The following SLC22A15 variants were observed in gnomAD, a reference collection of about 807,000 sequenced individuals.
SLC22A15 encodes the protein flipt 1.
SLC22A15 carries 45 observed loss-of-function variants against 62.7 expected under a neutral mutation model. The observed-to-expected ratio is 0.72, with a 90% CI of 0.56 to 0.92. The LOEUF (loss-of-function observed/expected upper bound fraction) is 0.92. Among genes scored for constraint, SLC22A15 ranks in the 40% least tolerant of loss-of-function variants. The pLI is 0.00. For missense variants in SLC22A15, 622 were observed against 665.6 expected, an observed-to-expected ratio of 0.93 and a Z score of 0.72; for synonymous variants, 264 against 267.0, an observed-to-expected ratio of 0.99 and a Z score of 0.11.
At chr1:116,026,446 GAAAGA>G (rs752870566) in intron 4 of SLC22A15, among the ~76,000 whole-genome samples, 10 of 151,568 alleles carry the variant, frequency 6.6e-5, no homozygotes, top group African/African-American at 2.2e-4. Flanking sequence ...GGGAAGGAAG[GAAAGA>G]AAAGAAAAGA....
At chr1:116,039,060 T>C (rs1429467372) in intron 8 of SLC22A15, among the ~76,000 whole-genome samples, 1 of 152,190 alleles carries the variant, frequency 6.6e-6, no homozygotes, top group East Asian at 1.9e-4. Context: ...GACCAGCAAG[T>C]ACCACTCTAT....
At chr1:115,982,256 T>C (rs1654645376) in intron 1 of SLC22A15, among the ~76,000 whole-genome samples, 2 of 152,184 alleles carry the variant, frequency 1.3e-5, no homozygotes, top group Admixed American at 1.3e-4. Flanking sequence ...GGACATCATA[T>C]AGTACTCAAC....
In SLC22A15 at chr1:116,069,882, T is replaced by C. The variant is rs191002724; in HGVS notation, c.*2774T>C. 1 of 152,318 alleles carries C rather than the reference T, an allele frequency of 6.6e-6. No individual in the cohort carries two copies. Among genetic ancestry groups the C allele is most frequent in the African/African-American group, 2.4e-5 (1 of 41,592 alleles). The allele number at this position is 152,318 out of a possible 1,614,324, so 9.4% of individuals were successfully genotyped here. On this transcript the variant is annotated 3_prime_UTR_variant, in exon 12 of 12. Transcript: ENST00000369503. ...CATAACAAATACATATTGAAATAAT[T>C]GTCACTACTGTATCAGAATTAAAAA...
chr1:116,042,822 G>T (rs1484526911), intron 8 of SLC22A15, among the ~76,000 whole-genome samples: 1 of 152,078 alleles, frequency 6.6e-6, no homozygotes, highest in African/African-American at 2.4e-5. Flanking sequence ...CAACCAATAG[G>T]ACCTGATTTA....
chr1:116,029,701 C>T (rs976496417), intron 5 of SLC22A15, among the ~76,000 whole-genome samples: 4 of 152,110 alleles, frequency 2.6e-5, no homozygotes, highest in African/African-American at 9.7e-5. Context: ...TCTCAAATAC[C>T]AGCTTTAAAA....
At chr1:116,044,923 T>A (rs2101508848) in intron 8 of SLC22A15, among the ~76,000 whole-genome samples, 1 of 152,280 alleles carries the variant, frequency 6.6e-6, no homozygotes, top group Non-Finnish European at 1.5e-5. Flanking sequence ...TTACCATGCT[T>A]ATGGACCAGA....
intron 1 of SLC22A15, among the ~76,000 whole-genome samples, chr1:115,986,078 A>G (rs1442953516): frequency 2.0e-5 from 3 of 151,896 alleles, no homozygotes; most frequent in Non-Finnish European, 4.4e-5. Flanking sequence ...CCTGGACTCA[A>G]GTGATCCTCC....
At chr1:116,052,069 G>C (rs1658068655) in intron 8 of SLC22A15, among the ~76,000 whole-genome samples, 1 of 152,234 alleles carries the variant, frequency 6.6e-6, no homozygotes. Flanking sequence ...AGTGGGTGCA[G>C]TGCACCATGC....
At chr1:116,019,821 T>A in intron 3 of SLC22A15, 107 bp downstream of exon 3, 1 of 1,226,080 alleles carries the variant, frequency 8.2e-7, no homozygotes, top group Non-Finnish European at 1.1e-6. Flanking sequence ...GGAATTGGCA[T>A]ATGGACACAG....
chr1:116,048,539 A>G (rs1050389535), intron 8 of SLC22A15, among the ~76,000 whole-genome samples: 3 of 152,232 alleles, frequency 2.0e-5, no homozygotes, highest in African/African-American at 7.2e-5. Flanking sequence ...TGCTGAGAGA[A>G]TTCGCCACTA....
chr1:116,059,928 A>G (rs982890524), intron 8 of SLC22A15, among the ~76,000 whole-genome samples: 1 of 152,236 alleles, frequency 6.6e-6, no homozygotes, highest in Non-Finnish European at 1.5e-5. Flanking sequence ...ATAAATGTAT[A>G]ACCTCCTTGA....
chr1:116,050,061 C>T (rs1472155635), intron 8 of SLC22A15, among the ~76,000 whole-genome samples: 1 of 151,754 alleles, frequency 6.6e-6, no homozygotes, highest in East Asian at 1.9e-4. Flanking sequence ...AATTAGATAC[C>T]CTGAACAGAC....
chr1:116,043,757 T>C (rs796133191), intron 8 of SLC22A15, among the ~76,000 whole-genome samples: 15 of 152,200 alleles, frequency 9.9e-5, no homozygotes, highest in African/African-American at 2.2e-4. Flanking sequence ...ACATTACCAA[T>C]ATGTGGAATG....
At chr1:116,010,035 G>A (rs1044873758) in intron 2 of SLC22A15, among the ~76,000 whole-genome samples, 1 of 151,996 alleles carries the variant, frequency 6.6e-6, no homozygotes, top group Non-Finnish European at 1.5e-5. Context: ...TAAAAGGTTA[G>A]GTGGATGTGA....
chr1:115,983,910 CT>C (rs1292984837), intron 1 of SLC22A15, among the ~76,000 whole-genome samples: 1 of 152,160 alleles, frequency 6.6e-6, no homozygotes, highest in East Asian at 1.9e-4. Context: ...ACTTTCACCC[CT>C]CTCCCAAATC....
chr1:115,995,614 G>A (rs1655383088), intron 2 of SLC22A15, among the ~76,000 whole-genome samples: 1 of 152,098 alleles, frequency 6.6e-6, no homozygotes, highest in Non-Finnish European at 1.5e-5. Context: ...ACTTTCTACT[G>A]TAAACAAGAG....
At chr1:116,033,593 G>GTA (rs1293786047) in intron 6 of SLC22A15, among the ~76,000 whole-genome samples, 17 of 148,748 alleles carry the variant, frequency 1.1e-4, no homozygotes, top group Non-Finnish European at 2.1e-4. Flanking sequence ...GTGTGTATGT[G>GTA]TGTGTGTGTG....
chr1:115,988,449 C>T (rs1654986384), intron 1 of SLC22A15, among the ~76,000 whole-genome samples: 1 of 152,142 alleles, frequency 6.6e-6, no homozygotes, highest in African/African-American at 2.4e-5. Context: ...GGTGATTCTT[C>T]CCCATGGCTA....
chr1:116,064,568 T>A (rs1658454485), intron 10 of SLC22A15, 60 bp downstream of exon 10: 1 of 1,137,170 alleles, frequency 8.8e-7, no homozygotes, highest in Non-Finnish European at 1.3e-6. Context: ...ATGCTTATGC[T>A]TTTTAGTAGA....
Sources: gnomAD v4.1 joint callset for allele counts (sites outside exome capture counted in the v4.1 genomes callset) on GRCh38, gnomAD v4.1.1 for gene constraint, MANE v1.5 for transcripts, NCBI Gene and HGNC (gene_info 2026-07-23, HGNC 2026-07-21) for gene names.